PEPD: variants seen among roughly 807,000 people sequenced by gnomAD.
PEPD encodes the protein xaa-Pro dipeptidase.
PEPD carries 53 observed loss-of-function variants against 60.7 expected under a neutral mutation model. The observed-to-expected ratio is 0.87, with a 90% CI of 0.70 to 1.10. The LOEUF (loss-of-function observed/expected upper bound fraction) is 1.10, where lower values mean the gene tolerates loss of function less well. Ranked by LOEUF, PEPD falls within the 50% of genes least tolerant of loss-of-function variation. PEPD has a pLI of 0.00. For missense variants in PEPD, 711 were observed against 711.9 expected (o/e 1.00, Z 0.01); for synonymous variants, 267 against 284.1 (o/e 0.94, Z 0.60).
intron 9 of PEPD, among the ~76,000 whole-genome samples, chr19:33,422,974 T>C (rs1191606570): frequency 1.3e-5 from 2 of 152,124 alleles, no homozygotes; most frequent in African/African-American, 4.8e-5. Flanking sequence ...CTCTGTCAAT[T>C]ATCTGTTTCT....
intron 11 of PEPD, among the ~76,000 whole-genome samples, chr19:33,408,827 GA>G (rs757636874): frequency 6.6e-6 from 1 of 152,174 alleles, no homozygotes; most frequent in Non-Finnish European, 1.5e-5. Context: ...ATTATTTACC[GA>G]ACGCAGTAGG....
At chr19:33,520,489 A>G (rs1368129060) in intron 1 of PEPD, among the ~76,000 whole-genome samples, 3 of 152,196 alleles carry the variant, frequency 2.0e-5, no homozygotes, top group Non-Finnish European at 4.4e-5. Context: ...TGCAAATGGC[A>G]AGACCACACG....
At chr19:33,400,722 G>T (rs563718778) in intron 12 of PEPD, among the ~76,000 whole-genome samples, 145 of 152,330 alleles carry the variant, frequency 9.5e-4, no homozygotes, top group Non-Finnish European at 1.8e-3. Context: ...CTTGAAGCAA[G>T]AACATGAGAA....
rs1968452628 is a variant in PEPD at position 33,400,026 on chromosome 19, C to CTCAG, written c.967+1694_967+1695insCTGA. Among the ~76,000 whole-genome samples the CTCAG allele has an allele frequency of 2.0e-5, 3 of 152,284 alleles. No homozygotes were observed. The South Asian group carries it at 6.2e-4, about 32-fold the overall frequency. The stretch of plus-strand genomic sequence containing the variant: ...CTGGGTCTGGGGCCTGCATCCTGGA[C>CTCAG]TCTGAAGCCTTGCGCTACTGGGCTA... On this transcript the variant is annotated intron_variant, in intron 12 of 14. Transcript: ENST00000244137.
intron 9 of PEPD, among the ~76,000 whole-genome samples, chr19:33,456,044 G>A: frequency 6.6e-6 from 1 of 152,128 alleles, no homozygotes; most frequent in East Asian, 1.9e-4. Context: ...CCAGCTTTCT[G>A]GCTGGACACC....
At position 33,411,702 on chromosome 19, in the gene PEPD, T is replaced by C. The variant is rs1311695398; in HGVS notation, c.788A>G (p.Asn263Ser). The change falls in exon 11 of 15, where the codon AAC (asparagine) becomes AGC (serine). Residue 263 changes from asparagine (N) to serine (S), a missense_variant. Physicochemically the swap from Asn to Ser is conservative, Grantham distance 46 (BLOSUM62 1). Coordinates refer to ENST00000244137, the MANE Select transcript of PEPD (RefSeq NM_000285.4). ...VLHYGHAGAP[N>S]DRTIQNGDMC... ...ATCCCCATTCTGGATCGTTCGGTCGTTGGGAGCTCCGGCGTGTCCGTAGTG... is the reference window on the plus strand; with the variant it reads ...ATCCCCATTCTGGATCGTTCGGTCGCTGGGAGCTCCGGCGTGTCCGTAGTG... 3.7e-6 allele frequency: 6 copies of C among 1,610,662 alleles called. No homozygotes were observed. The Admixed American group carries it at 6.7e-5, about 18-fold the overall frequency.
chr19:33,494,528 G>A (rs1970562494), intron 4 of PEPD, among the ~76,000 whole-genome samples: 1 of 152,224 alleles, frequency 6.6e-6, no homozygotes, highest in African/African-American at 2.4e-5. Context: ...CATAAAAACA[G>A]AGATCTGTAA....
intron 7 of PEPD, among the ~76,000 whole-genome samples, chr19:33,470,820 G>A (rs1272904939): frequency 3.9e-5 from 6 of 152,074 alleles, no homozygotes; most frequent in South Asian, 4.2e-4. Context: ...TTGCCAAACC[G>A]GGCACAGCAG....
Position 33,413,659 on chromosome 19 carries a change from C to T in PEPD, c.672-16G>A, listed in dbSNP as rs769117075. On this transcript the variant is annotated splice_polypyrimidine_tract_variant and intron_variant, in intron 9 of 14. Coordinates refer to ENST00000244137, the MANE Select transcript of PEPD (RefSeq NM_000285.4). ...CTCGAAGAGGCTGCAGGGGGAGAGA[C>T]GCGTCAGGGTTGGGGCACTAGAGCA... is the stretch of plus-strand genomic sequence containing the variant. 48 of 1,550,088 alleles carry T rather than the reference C, an allele frequency of 3.1e-5. No individual in the cohort carries two copies. Among genetic ancestry groups the T allele is most frequent in the African/African-American group, 6.8e-5 (5 of 73,598 alleles).
At chr19:33,436,945 C>T (rs916612968) in intron 9 of PEPD, among the ~76,000 whole-genome samples, 10 of 152,128 alleles carry the variant, frequency 6.6e-5, no homozygotes, top group South Asian at 2.1e-4. Flanking sequence ...CGTTAAAGTC[C>T]GATGAGGCAG....
At chr19:33,493,749 A>C (rs1970544390) in intron 4 of PEPD, among the ~76,000 whole-genome samples, 1 of 152,042 alleles carries the variant, frequency 6.6e-6, no homozygotes, top group East Asian at 1.9e-4. Context: ...CTAGGGCAGA[A>C]GACTCCCTCC....
chr19:33,504,153 G>C (rs1040056431), intron 3 of PEPD, among the ~76,000 whole-genome samples: 1 of 152,304 alleles, frequency 6.6e-6, no homozygotes, highest in African/African-American at 2.4e-5. Flanking sequence ...TCATGTTTGG[G>C]GGCTAATTAT....
chr19:33,456,679 A>C (rs764514822), intron 9 of PEPD, among the ~76,000 whole-genome samples: 1 of 152,106 alleles, frequency 6.6e-6, no homozygotes, highest in Non-Finnish European at 1.5e-5. Flanking sequence ...CCACGGACAC[A>C]CAGCTGGTCC....
intron 7 of PEPD, among the ~76,000 whole-genome samples, chr19:33,468,871 C>T (rs958233367): frequency 6.6e-6 from 1 of 152,288 alleles, no homozygotes; most frequent in Non-Finnish European, 1.5e-5. Flanking sequence ...CGCCGTATGG[C>T]GGGTGCAGTC....
chr19:33,430,989 C>T (rs1600109008), intron 9 of PEPD, among the ~76,000 whole-genome samples: 1 of 152,254 alleles, frequency 6.6e-6, no homozygotes, highest in Non-Finnish European at 1.5e-5. Context: ...CAGCCAGGTG[C>T]TGTGGCTCAG....
chr19:33,490,394 T>C (rs569756718), intron 5 of PEPD, among the ~76,000 whole-genome samples: 1 of 152,330 alleles, frequency 6.6e-6, no homozygotes, highest in African/African-American at 2.4e-5. Flanking sequence ...ACTCCCAATA[T>C]AAATCTGCTC....
At position 33,451,057 on chromosome 19, in the gene PEPD, C is replaced by T. The variant is rs145123435; in HGVS notation, c.671+11938G>A. On this transcript the variant is annotated intron_variant, in intron 9 of 14. Coordinates refer to ENST00000244137, the MANE Select transcript of PEPD (RefSeq NM_000285.4). ...GTGGGTATAAATATGACTGCAAAAC[C>T]GCCCTGAGCTGCGGCTCTCAGCACA... Among the ~76,000 whole-genome samples the T allele has an allele frequency of 4.6e-3, 704 of 152,300 alleles. 5 individuals are homozygous for T. The highest frequency in any genetic ancestry group is 0.015 in the African/African-American group (643 of 41,532).
At chr19:33,449,110 G>C (rs542637955) in intron 9 of PEPD, among the ~76,000 whole-genome samples, 1 of 152,356 alleles carries the variant, frequency 6.6e-6, no homozygotes, top group African/African-American at 2.4e-5. Context: ...GCAAATGGGG[G>C]TGTGGCCAAA....
chr19:33,411,046 C>G (rs1200354130), intron 11 of PEPD, among the ~76,000 whole-genome samples: 1 of 152,108 alleles, frequency 6.6e-6, no homozygotes, highest in Non-Finnish European at 1.5e-5. Flanking sequence ...TGCAAGTCCT[C>G]CAATGAGAGA....
Sources: allele counts gnomAD v4.1 joint callset (sites outside exome capture counted in the v4.1 genomes callset), GRCh38; gene constraint gnomAD v4.1.1; transcripts MANE v1.5; gene names NCBI Gene and HGNC (gene_info 2026-07-23, HGNC 2026-07-21).